The following GOPC variants were observed in gnomAD, a reference collection of about 807,000 sequenced individuals.
The protein encoded by GOPC is Golgi-associated PDZ and coiled-coil motif-containing protein.
In GOPC, 32 loss-of-function variants were observed where a neutral mutation model predicts 51.2. The ratio of observed to expected loss-of-function variants is 0.63; its 90% CI spans 0.47 to 0.84. The LOEUF is 0.84. Ranked by LOEUF, GOPC falls within the 40% of genes least tolerant of loss-of-function variation. The pLI is 0.00. For synonymous variants in GOPC, 190 were observed against 205.1 expected (o/e 0.93, Z 0.63); for missense variants, 441 against 555.5 (o/e 0.79, Z 2.07).
In GOPC at chr6:117,563,734, T is replaced by TA. The variant is rs754335178; in HGVS notation, c.1259-351dup. 2.2e-3 allele frequency among the ~76,000 whole-genome samples: 284 copies of TA among 131,124 alleles called. 1 individual carries two copies. Among genetic ancestry groups the TA allele is most frequent in the Middle Eastern group, 0.012 (3 of 258 alleles). 86.0% of individuals were successfully genotyped at this position (131,124 alleles called of 152,430 possible). A position where few individuals can be genotyped will look rare whatever the true frequency, so the allele number is the denominator to read the frequency against. On this transcript the variant is annotated intron_variant, in intron 8 of 8. Coordinates refer to ENST00000368498, the MANE Select transcript of GOPC (RefSeq NM_020399.4). The stretch of plus-strand genomic sequence containing the variant: ...GAAACTCTGTCTCGATTAAAAAAAT[T>TA]AAAAAAAAAAAAAAAGTTAGTTGTA...
In GOPC at chr6:117,573,611, T is replaced by G; in HGVS notation, c.672A>C (p.Leu224=). 6.2e-7 allele frequency: 1 copy of G among 1,613,650 alleles called. No individual in the cohort carries two copies. The highest frequency in any genetic ancestry group is 1.7e-5 in the Admixed American group (1 of 59,972). The change falls in exon 5 of 9, where the codon CTA becomes CTC. Residue 224 remains leucine (L), a synonymous_variant. Coordinates refer to ENST00000368498, the MANE Select transcript of GOPC (RefSeq NM_020399.4). ...LAGRVQQIQL[L]GRDMKGPAHD... Reference sequence around the variant, plus strand: ...GAGCAGGTCCCTTCATATCTCGTCCTAGCAATTGTATCTGTTGGACCCTTC... The same window carrying G: ...GAGCAGGTCCCTTCATATCTCGTCCGAGCAATTGTATCTGTTGGACCCTTC...
intron 1 of GOPC, among the ~76,000 whole-genome samples, chr6:117,583,018 C>A (rs752219062): frequency 6.6e-6 from 1 of 152,020 alleles, no homozygotes; most frequent in African/African-American, 2.4e-5. Flanking sequence ...GCCTTGGGAT[C>A]GCAGGCACCC....
chr6:117,578,630 TTA>T (rs1303721136), intron 2 of GOPC, among the ~76,000 whole-genome samples: 1 of 152,070 alleles, frequency 6.6e-6, no homozygotes, highest in Non-Finnish European at 1.5e-5. Context: ...AAAAAAAATC[TTA>T]TATGTTATAA....
chr6:117,578,480 G>A (rs1779913976), intron 2 of GOPC, among the ~76,000 whole-genome samples: 1 of 151,978 alleles, frequency 6.6e-6, no homozygotes, highest in South Asian at 2.1e-4. Context: ...TAATATTTGT[G>A]GAGCTGCCGT....
intron 1 of GOPC, among the ~76,000 whole-genome samples, chr6:117,579,996 A>C (rs1779935349): frequency 6.6e-6 from 1 of 152,144 alleles, no homozygotes; most frequent in African/African-American, 2.4e-5. Context: ...CCCAGTCCCA[A>C]GGAATTCAAA....
chr6:117,592,623 A>G (rs1287635794), intron 1 of GOPC, among the ~76,000 whole-genome samples: 1 of 152,004 alleles, frequency 6.6e-6, no homozygotes, highest in Admixed American at 6.6e-5. Flanking sequence ...TCTGTCTCCT[A>G]TCAGCACACT....
At chr6:117,569,340 T>C (rs566662697) in intron 7 of GOPC, among the ~76,000 whole-genome samples, 11 of 152,326 alleles carry the variant, frequency 7.2e-5, no homozygotes, top group Non-Finnish European at 1.5e-4. Flanking sequence ...GTGAGGACAC[T>C]GAGGGACAGA....
chr6:117,597,227 A>C (rs571347364), intron 1 of GOPC, among the ~76,000 whole-genome samples: 1 of 152,316 alleles, frequency 6.6e-6, no homozygotes, highest in South Asian at 2.1e-4. Context: ...ACTTGTGTAC[A>C]TTAATTTTGT....
chr6:117,599,364 G>A (rs1771952555), intron 1 of GOPC, among the ~76,000 whole-genome samples: 1 of 152,158 alleles, frequency 6.6e-6, no homozygotes, highest in East Asian at 1.9e-4. Flanking sequence ...AGAAAATATG[G>A]AAATTGTTTC....
In GOPC at chr6:117,561,498, C is replaced by G. The variant is rs769142368; in HGVS notation, c.*1756G>C. On this transcript the variant is annotated 3_prime_UTR_variant, in exon 9 of 9. Coordinates refer to ENST00000368498, the MANE Select transcript of GOPC (RefSeq NM_020399.4). ...GACAATTTTTTTGACTAAATAAATA[C>G]GGTGGCTAAAATCCAGTTTGCAGAT... 3.9e-4 allele frequency: 85 copies of G among 216,792 alleles called. No individual in the cohort carries two copies. The highest frequency in any genetic ancestry group is 2.9e-3 in the Middle Eastern group (2 of 688). 13.4% of individuals were successfully genotyped at this position (216,792 alleles called of 1,614,324 possible).
rs1032559803 is a variant in GOPC at position 117,598,982 on chromosome 6, C to A, written c.285+3022G>T. ...CTAATTTCATCATTATTATGTGTATCCAAATACCACACTGTGCCCCCTAAA... is the reference window on the plus strand; with the variant it reads ...CTAATTTCATCATTATTATGTGTATACAAATACCACACTGTGCCCCCTAAA... On this transcript the variant is annotated intron_variant, in intron 1 of 8. Transcript: ENST00000368498. 7.9e-5 allele frequency among the ~76,000 whole-genome samples: 12 copies of A among 152,112 alleles called. No homozygotes were observed. The South Asian group carries it at 2.3e-3, about 29-fold the overall frequency.
At chr6:117,563,485 G>T in intron 8 of GOPC, 101 bp from the exon 9 acceptor site, 2 of 1,093,072 alleles carry the variant, frequency 1.8e-6, no homozygotes, top group Non-Finnish European at 2.7e-6. Context: ...ACTTTGAGAG[G>T]CCAAGGTGGG....
intron 1 of GOPC, among the ~76,000 whole-genome samples, chr6:117,597,187 G>C (rs762203040): frequency 3.9e-5 from 6 of 152,018 alleles, no homozygotes; most frequent in Non-Finnish European, 7.4e-5. Context: ...TTCTCAGTTT[G>C]GTCACTGTTG....
At position 117,566,848 on chromosome 6, in the gene GOPC, T is replaced by C; in HGVS notation, c.1258+6A>G. Reference sequence around the variant, plus strand: ...TGTTAATAATAATTTTTAGAGTGATTTTTACCTTGTAATACTTTGATTTCC... The same window carrying C: ...TGTTAATAATAATTTTTAGAGTGATCTTTACCTTGTAATACTTTGATTTCC... On this transcript the variant is annotated splice_donor_region_variant and intron_variant, in intron 8 of 8. Transcript: ENST00000368498. 1 of 1,536,256 alleles carries C rather than the reference T, an allele frequency of 6.5e-7. No individual in the cohort carries two copies. Among genetic ancestry groups the C allele is most frequent in the Admixed American group, 2.2e-5 (1 of 46,416 alleles).
intron 3 of GOPC, among the ~76,000 whole-genome samples, chr6:117,575,900 C>G (rs932926101): frequency 6.6e-6 from 1 of 152,108 alleles, no homozygotes; most frequent in Non-Finnish European, 1.5e-5. Flanking sequence ...ACCTTAGCAC[C>G]AGAGAAATTG....
intron 8 of GOPC, among the ~76,000 whole-genome samples, chr6:117,565,346 C>T (rs899242330): frequency 2.6e-5 from 4 of 152,156 alleles, no homozygotes; most frequent in Non-Finnish European, 5.9e-5. Context: ...AGTATTTTAA[C>T]AGCCTTTTCA....
intron 4 of GOPC, 84 bp from the exon 5 acceptor site, chr6:117,573,716 T>C: frequency 8.9e-7 from 1 of 1,127,814 alleles, no homozygotes; most frequent in Non-Finnish European, 1.2e-6. Context: ...CATAAGTAGC[T>C]TTTGCATGAA....
At chr6:117,594,744 GT>G (rs1468083834) in intron 1 of GOPC, among the ~76,000 whole-genome samples, 1 of 152,188 alleles carries the variant, frequency 6.6e-6, no homozygotes, top group Non-Finnish European at 1.5e-5. Flanking sequence ...TTTCTCTACT[GT>G]TGGCTATGAA....
At chr6:117,587,735 A>AAGTGAAACTATG (rs1170530835) in intron 1 of GOPC, among the ~76,000 whole-genome samples, 11 of 152,184 alleles carry the variant, frequency 7.2e-5, no homozygotes, top group African/African-American at 2.7e-4. Context: ...CTATGTTGAC[A>AAGTGAAACTATG]TACTGAAGGT....
Sources: allele counts gnomAD v4.1 joint callset (sites outside exome capture counted in the v4.1 genomes callset), GRCh38; gene constraint gnomAD v4.1.1; transcripts MANE v1.5; gene names NCBI Gene and HGNC (gene_info 2026-07-23, HGNC 2026-07-21).